Variants in NOPCHAP1 observed in about 807,000 individuals in gnomAD.
NOPCHAP1 encodes NOP protein chaperone 1.
NOPCHAP1 carries 13 observed loss-of-function variants against 14.0 expected under a neutral mutation model. That is an observed-to-expected ratio of 0.93 (90% CI 0.60 to 1.47). The LOEUF (loss-of-function observed/expected upper bound fraction) is 1.47, where lower values mean the gene tolerates loss of function less well. Among genes scored for constraint, NOPCHAP1 ranks in the 40% most tolerant of loss-of-function variants. The pLI, the probability that NOPCHAP1 is intolerant of heterozygous loss-of-function variation, is 0.00. For missense variants in NOPCHAP1, 230 were observed against 226.9 expected (o/e 1.01, Z -0.09); for synonymous variants, 78 against 78.4 (o/e 1.00, Z 0.03).
rs1218909997 is a variant in NOPCHAP1 at position 105,002,156 on chromosome 12, T to G, written c.*7460T>G. The G allele has an allele frequency of 1.3e-5, 2 of 152,226 alleles. No individual in the cohort carries two copies. Among genetic ancestry groups the G allele is most frequent in the African/African-American group, 2.4e-5 (1 of 41,450 alleles). The allele number at this position is 152,226 out of a possible 1,614,324, so 9.4% of individuals were successfully genotyped here. ...GGGAGACACCTTAGGGCAAATAATT[T>G]CTTGGTCTAAGATCTCTTGGTTTTA... On this transcript the variant is annotated 3_prime_UTR_variant, in exon 4 of 4. Coordinates refer to ENST00000552951, the MANE Select transcript of NOPCHAP1 (RefSeq NM_152318.3).
Position 104,998,850 on chromosome 12 carries a change from CAG to C in NOPCHAP1, c.*4155_*4156del, listed in dbSNP as rs1278783818. The C allele has an allele frequency of 6.6e-6, 1 of 151,170 alleles. No individual in the cohort carries two copies. Among genetic ancestry groups the C allele is most frequent in the Non-Finnish European group, 1.5e-5 (1 of 68,006 alleles). 9.4% of individuals were successfully genotyped at this position (151,170 alleles called of 1,614,324 possible). On this transcript the variant is annotated 3_prime_UTR_variant, in exon 4 of 4. Transcript: ENST00000552951. Reference sequence around the variant, plus strand: ...GCTTACATGGGTAGCAGTGGCCACTCAGGGTAAGGGGGCGGGCTGCTGGTCTC... The same window carrying C: ...GCTTACATGGGTAGCAGTGGCCACTCGGTAAGGGGGCGGGCTGCTGGTCTC...
chr12:105,014,322 C>G lies in NOPCHAP1; in HGVS notation c.*19626C>G, dbSNP rs936883794. On this transcript the variant is annotated 3_prime_UTR_variant, in exon 4 of 4. Coordinates refer to ENST00000552951, the MANE Select transcript of NOPCHAP1 (RefSeq NM_152318.3). Reference sequence around the variant, plus strand: ...TAGAAATGATGAGATAGACTGGTATCTACATATATTTAATGCATTTTTGAC... The same window carrying G: ...TAGAAATGATGAGATAGACTGGTATGTACATATATTTAATGCATTTTTGAC... 6.6e-6 allele frequency: 1 copy of G among 152,038 alleles called. No homozygotes were observed. The highest frequency in any genetic ancestry group is 2.1e-4 in the South Asian group (1 of 4,832). The allele number at this position is 152,038 out of a possible 1,614,324, so 9.4% of individuals were successfully genotyped here.
Position 105,012,328 on chromosome 12 carries a change from A to G in NOPCHAP1, c.*17632A>G, listed in dbSNP as rs1479282924. The G allele has an allele frequency of 2.0e-5, 3 of 152,204 alleles. No homozygotes were observed. The South Asian group carries it at 6.2e-4, about 32-fold the overall frequency. The allele number at this position is 152,204 out of a possible 1,614,324, so 9.4% of individuals were successfully genotyped here. On this transcript the variant is annotated 3_prime_UTR_variant, in exon 4 of 4. Transcript: ENST00000552951. ...ACGAAGTTCTTGGGCTGTGTTTTTC[A>G]GCTCCATCAGGTCATTTATGTTCTT...
At position 104,995,708 on chromosome 12, in the gene NOPCHAP1, T is replaced by C. The variant is rs1344486272; in HGVS notation, c.*1012T>C. 2 of 151,552 alleles carry C rather than the reference T, an allele frequency of 1.3e-5. No homozygotes were observed. Among genetic ancestry groups the C allele is most frequent in the Non-Finnish European group, 2.9e-5 (2 of 67,982 alleles). 9.4% of individuals were successfully genotyped at this position (151,552 alleles called of 1,614,324 possible). A position where few individuals can be genotyped will look rare whatever the true frequency, so the allele number is the denominator to read the frequency against. On this transcript the variant is annotated 3_prime_UTR_variant, in exon 4 of 4. Coordinates refer to ENST00000552951, the MANE Select transcript of NOPCHAP1 (RefSeq NM_152318.3). Reference sequence around the variant, plus strand: ...TATCTTTTTTTTTTTCGAGATGGAGTCTTGCTCTGTTGCTCAGGCTGGAGT... The same window carrying C: ...TATCTTTTTTTTTTTCGAGATGGAGCCTTGCTCTGTTGCTCAGGCTGGAGT...
chr12:104,995,083 A>G lies in NOPCHAP1; in HGVS notation c.*387A>G. On this transcript the variant is annotated 3_prime_UTR_variant, in exon 4 of 4. Transcript: ENST00000552951. Reference sequence around the variant, plus strand: ...AGGAGATCTAAGGCTGCCTTGTCCGATGGGCTGAGGCTTGGCTGTTTGTGA... The same window carrying G: ...AGGAGATCTAAGGCTGCCTTGTCCGGTGGGCTGAGGCTTGGCTGTTTGTGA... 1 of 222,720 alleles carries G rather than the reference A, an allele frequency of 4.5e-6. No individual in the cohort carries two copies. The highest frequency in any genetic ancestry group is 7.0e-5 in the South Asian group (1 of 14,346). 13.8% of individuals were successfully genotyped at this position (222,720 alleles called of 1,614,324 possible).
In NOPCHAP1 at chr12:104,994,914, A is replaced by G; in HGVS notation, c.*218A>G. The G allele has an allele frequency of 3.9e-6, 2 of 508,236 alleles. No homozygotes were observed. Among genetic ancestry groups the G allele is most frequent in the South Asian group, 4.2e-5 (2 of 47,076 alleles). 31.5% of individuals were successfully genotyped at this position (508,236 alleles called of 1,614,324 possible). On this transcript the variant is annotated 3_prime_UTR_variant, in exon 4 of 4. Transcript: ENST00000552951. Reference sequence around the variant, plus strand: ...AAAGGGGTTCAGAGACCTCCGCTCTACAGCAAGGAAAGTGTGCTTTTATCA... The same window carrying G: ...AAAGGGGTTCAGAGACCTCCGCTCTGCAGCAAGGAAAGTGTGCTTTTATCA...
rs1336836230 is a variant in NOPCHAP1, at chr12:105,017,074, A to G, written c.*22378A>G. 1 of 152,194 alleles carries G rather than the reference A, an allele frequency of 6.6e-6. No homozygotes were observed. Among genetic ancestry groups the G allele is most frequent in the African/African-American group, 2.4e-5 (1 of 41,438 alleles). The allele number at this position is 152,194 out of a possible 1,614,324, so 9.4% of individuals were successfully genotyped here. ...AGGTGTAATGGCTTTTGAAGCAAAA[A>G]TCTCATTCTGAATAAATCTCCCATC... On this transcript the variant is annotated 3_prime_UTR_variant, in exon 4 of 4. Transcript: ENST00000552951.
intron 3 of NOPCHAP1, among the ~76,000 whole-genome samples, chr12:104,992,098 G>C (rs1431865515): frequency 6.6e-6 from 1 of 152,080 alleles, no homozygotes; most frequent in Non-Finnish European, 1.5e-5. Context: ...TGTCCTAACT[G>C]GGTTTTTTTC....
At position 105,002,914 on chromosome 12, in the gene NOPCHAP1, T is replaced by C. The variant is rs2136030314; in HGVS notation, c.*8218T>C. ...AGAGAATCCCATTTTGTAAGGCATT[T>C]GTCTAACTTGCCTTTTCTCATTATC... On this transcript the variant is annotated 3_prime_UTR_variant, in exon 4 of 4. Transcript: ENST00000552951. The C allele has an allele frequency of 6.6e-6, 1 of 152,354 alleles. No homozygotes were observed. The highest frequency in any genetic ancestry group is 1.9e-4 in the East Asian group (1 of 5,188). The allele number at this position is 152,354 out of a possible 1,614,324, so 9.4% of individuals were successfully genotyped here. A position where few individuals can be genotyped will look rare whatever the true frequency, so the allele number is the denominator to read the frequency against.
intron 1 of NOPCHAP1, among the ~76,000 whole-genome samples, chr12:104,986,867 C>T (rs1381117827): frequency 6.6e-6 from 1 of 152,168 alleles, no homozygotes; most frequent in African/African-American, 2.4e-5. Flanking sequence ...ATTATGCTAA[C>T]AGTCCCTACC....
In NOPCHAP1 at chr12:105,000,471, A is replaced by G. The variant is rs1565940596; in HGVS notation, c.*5775A>G. ...TGAGCCTTACCTAAAGCCATTGCAAATTATGGTCCTATGGATTTTCCTGTA... is the reference window on the plus strand; with the variant it reads ...TGAGCCTTACCTAAAGCCATTGCAAGTTATGGTCCTATGGATTTTCCTGTA... On this transcript the variant is annotated 3_prime_UTR_variant, in exon 4 of 4. Coordinates refer to ENST00000552951, the MANE Select transcript of NOPCHAP1 (RefSeq NM_152318.3). 3.9e-5 allele frequency: 6 copies of G among 152,166 alleles called. No homozygotes were observed. The highest frequency in any genetic ancestry group is 2.6e-4 in the Admixed American group (4 of 15,258). 9.4% of individuals were successfully genotyped at this position (152,166 alleles called of 1,614,324 possible). A position where few individuals can be genotyped will look rare whatever the true frequency, so the allele number is the denominator to read the frequency against.
chr12:104,988,062 G>A, intron 1 of NOPCHAP1, 105 bp from the exon 2 acceptor site: 1 of 811,272 alleles, frequency 1.2e-6, no homozygotes, highest in South Asian at 2.0e-5. Flanking sequence ...TTGGGGGAGT[G>A]TGGACAGTCA....
chr12:104,991,646 A>G, intron 2 of NOPCHAP1, 66 bp from the exon 3 acceptor site: 2 of 1,457,360 alleles, frequency 1.4e-6, no homozygotes, highest in Middle Eastern at 1.8e-4. Flanking sequence ...AGAAGTGTTT[A>G]TAGGAAATCC....
Position 105,000,047 on chromosome 12 carries a change from A to T in NOPCHAP1, c.*5351A>T, listed in dbSNP as rs1002732032. The stretch of plus-strand genomic sequence containing the variant: ...TCCAACCTGTTCCCTTTATAGCATA[A>T]TGTGTATAACCACATTTAGTGGAAA... On this transcript the variant is annotated 3_prime_UTR_variant, in exon 4 of 4. Transcript: ENST00000552951. 2 of 152,196 alleles carry T rather than the reference A, an allele frequency of 1.3e-5. No individual in the cohort carries two copies. The highest frequency in any genetic ancestry group is 4.8e-5 in the African/African-American group (2 of 41,436). The allele number at this position is 152,196 out of a possible 1,614,324, so 9.4% of individuals were successfully genotyped here.
rs1232442022 is a variant in NOPCHAP1, at chr12:105,016,773, G to A, written c.*22077G>A. 3 of 152,212 alleles carry A rather than the reference G, an allele frequency of 2.0e-5. No individual in the cohort carries two copies. Among genetic ancestry groups the A allele is most frequent in the Non-Finnish European group, 4.4e-5 (3 of 68,044 alleles). The allele number at this position is 152,212 out of a possible 1,614,324, so 9.4% of individuals were successfully genotyped here. ...TTATGGGAGCTACAATTCAAGATGA[G>A]ATTTGGGTGGGGACACAGCCAAAAC... On this transcript the variant is annotated 3_prime_UTR_variant, in exon 4 of 4. Coordinates refer to ENST00000552951, the MANE Select transcript of NOPCHAP1 (RefSeq NM_152318.3).
In NOPCHAP1 at chr12:104,986,396, C is replaced by T. The variant is rs1346481293; in HGVS notation, c.44C>T (p.Ser15Leu). The T allele has an allele frequency of 1.2e-6, 2 of 1,611,786 alleles. No homozygotes were observed. Among genetic ancestry groups the T allele is most frequent in the South Asian group, 2.2e-5 (2 of 90,488 alleles). Residue 15 changes from serine to leucine, a missense_variant, in exon 1 of 4, where the codon TCG becomes TTG. By Grantham distance (145) the Ser-to-Leu change is moderately radical. Coordinates refer to ENST00000552951, the MANE Select transcript of NOPCHAP1 (RefSeq NM_152318.3). ...GKPKASPSCS[S>L]PTRDSSGVPV... ...CCCAAGGCTAGCCCGAGTTGTTCGT[C>T]GCCCACCCGGGATTCCTCAGGAGTC...
At chr12:104,986,733 C>T (rs975954721) in intron 1 of NOPCHAP1, among the ~76,000 whole-genome samples, 11 of 152,184 alleles carry the variant, frequency 7.2e-5, no homozygotes, top group Non-Finnish European at 1.6e-4. Context: ...CTGCCAGGCG[C>T]CGCTGCCAGG....
In NOPCHAP1 at chr12:104,997,199, G is replaced by A. The variant is rs1456900259; in HGVS notation, c.*2503G>A. The A allele has an allele frequency of 6.6e-6, 1 of 152,204 alleles. No individual in the cohort carries two copies. Among genetic ancestry groups the A allele is most frequent in the Non-Finnish European group, 1.5e-5 (1 of 68,036 alleles). 9.4% of individuals were successfully genotyped at this position (152,204 alleles called of 1,614,324 possible). On this transcript the variant is annotated 3_prime_UTR_variant, in exon 4 of 4. Transcript: ENST00000552951. Reference sequence around the variant, plus strand: ...TAGTGTTACTAATCTACCTACTTAAGTGTGTTTTTGTAGCGGCTGGTAACC... The same window carrying A: ...TAGTGTTACTAATCTACCTACTTAAATGTGTTTTTGTAGCGGCTGGTAACC...
chr12:105,015,895 T>A lies in NOPCHAP1; in HGVS notation c.*21199T>A, dbSNP rs1042747982. The A allele has an allele frequency of 3.3e-5, 5 of 152,052 alleles. No homozygotes were observed. Among genetic ancestry groups the A allele is most frequent in the Admixed American group, 3.3e-4 (5 of 15,244 alleles). The allele number at this position is 152,052 out of a possible 1,614,324, so 9.4% of individuals were successfully genotyped here. ...TCATATCATATGCAAAGATAAATTATATATGGATTAAGGATTTAAATGTAA... is the reference window on the plus strand; with the variant it reads ...TCATATCATATGCAAAGATAAATTAAATATGGATTAAGGATTTAAATGTAA... On this transcript the variant is annotated 3_prime_UTR_variant, in exon 4 of 4. Coordinates refer to ENST00000552951, the MANE Select transcript of NOPCHAP1 (RefSeq NM_152318.3).
Sources: gnomAD v4.1 joint callset for allele counts (sites outside exome capture counted in the v4.1 genomes callset) on GRCh38, gnomAD v4.1.1 for gene constraint, MANE v1.5 for transcripts, NCBI Gene and HGNC (gene_info 2026-07-23, HGNC 2026-07-21) for gene names.